LRP5: variants seen among roughly 807,000 people sequenced by gnomAD.
LRP5 encodes the protein low-density lipoprotein receptor-related protein 5.
LRP5 carries 62 observed loss-of-function variants against 154.1 expected under a neutral mutation model. That is an observed-to-expected ratio of 0.40 (90% CI 0.33 to 0.50). The LOEUF (loss-of-function observed/expected upper bound fraction) is 0.50. Among genes scored for constraint, LRP5 ranks in the 20% least tolerant of loss-of-function variants. The probability of loss-of-function intolerance (pLI) is 0.55; values close to 1 mark genes in which losing one functional copy is unlikely to be tolerated. For missense variants in LRP5, 1,915 were observed against 2,336.7 expected (o/e 0.82, Z 3.72); for synonymous variants, 966 against 1,011.5 (o/e 0.96, Z 0.85).
At chr11:68,385,272 G>T (rs2098642355) in intron 5 of LRP5, among the ~76,000 whole-genome samples, 1 of 152,140 alleles carries the variant, frequency 6.6e-6, no homozygotes, top group South Asian at 2.1e-4. Flanking sequence ...GTCCACCTGT[G>T]CCGTGGAGGG....
At chr11:68,414,037 CCTCA>C (rs1565092439) in intron 12 of LRP5, 25 bp downstream of exon 12, 2 of 1,591,494 alleles carry the variant, frequency 1.3e-6, no homozygotes, top group Admixed American at 1.7e-5. Context: ...GTCCCCCGCA[CCTCA>C]CTCCCTCGTT....
rs185284230 is a variant in LRP5 at position 68,395,669 on chromosome 11, C to T, written c.1584+5617C>T. ...TCTTTACCCTCTGTGGCCCTGGTGG[C>T]GCACTCTCTGGGAAGGTGCAGGTGG... On this transcript the variant is annotated intron_variant, in intron 7 of 22. Transcript: ENST00000294304. 6.0e-3 allele frequency among the ~76,000 whole-genome samples: 912 copies of T among 152,192 alleles called. 10 individuals carry two copies. The highest frequency in any genetic ancestry group is 6.2e-3 in the Non-Finnish European group (419 of 67,996).
intron 1 of LRP5, among the ~76,000 whole-genome samples, chr11:68,338,867 G>GTTTTTTTTTTTTTTT (rs11382677): frequency 6.5e-5 from 6 of 91,940 alleles, no homozygotes; most frequent in Non-Finnish European, 9.4e-5. Flanking sequence ...CTTTTGTTTA[G>GTTTTTTTTTTTTTTT]TTTTTTTTTT....
intron 1 of LRP5, among the ~76,000 whole-genome samples, chr11:68,336,771 C>T (rs1253384478): frequency 6.6e-6 from 1 of 152,184 alleles, no homozygotes; most frequent in Admixed American, 6.5e-5. Context: ...GCCCGGCCTG[C>T]ATTTACCTGT....
intron 17 of LRP5, among the ~76,000 whole-genome samples, chr11:68,431,114 C>T (rs1470732661): frequency 6.6e-6 from 1 of 152,186 alleles, no homozygotes; most frequent in African/African-American, 2.4e-5. Flanking sequence ...GCCCCCATGC[C>T]TCCAGGTGGC....
chr11:68,441,110 G>C (rs947832889), intron 21 of LRP5, among the ~76,000 whole-genome samples: 1 of 151,214 alleles, frequency 6.6e-6, no homozygotes, highest in Non-Finnish European at 1.5e-5. Flanking sequence ...ACAGGGTCTC[G>C]CTCTGTCACC....
chr11:68,404,963 C>T (rs1401821512), intron 8 of LRP5, among the ~76,000 whole-genome samples: 2 of 134,500 alleles, frequency 1.5e-5, no homozygotes, highest in Admixed American at 8.4e-5. Context: ...GGCGACAGAG[C>T]GAGACTCCGT....
intron 1 of LRP5, among the ~76,000 whole-genome samples, chr11:68,335,639 C>T (rs1470778626): frequency 6.6e-6 from 1 of 152,088 alleles, no homozygotes; most frequent in Non-Finnish European, 1.5e-5. Context: ...ATAACTCATA[C>T]CTGAATAAAG....
chr11:68,409,073 A>AT (rs1200045346), intron 9 of LRP5, among the ~76,000 whole-genome samples: 73 of 44,132 alleles, frequency 1.7e-3, no homozygotes, highest in African/African-American at 8.7e-3. Flanking sequence ...AAAAAAAAAA[A>AT]ATATATATAT....
intron 16 of LRP5, among the ~76,000 whole-genome samples, chr11:68,426,673 G>T (rs2098668969): frequency 1.3e-5 from 2 of 152,070 alleles, no homozygotes; most frequent in Admixed American, 6.6e-5. Flanking sequence ...TCTGCCTGCT[G>T]TGGCCTCCCA....
intron 5 of LRP5, among the ~76,000 whole-genome samples, chr11:68,385,872 G>A (rs1191176579): frequency 6.6e-6 from 1 of 152,126 alleles, no homozygotes; most frequent in African/African-American, 2.4e-5. Flanking sequence ...CCCCTGCAAG[G>A]TGGGCATGCT....
At chr11:68,434,357 CAT>C (rs2098673707) in intron 18 of LRP5, among the ~76,000 whole-genome samples, 1 of 88,186 alleles carries the variant, frequency 1.1e-5, no homozygotes, top group Non-Finnish European at 2.3e-5. Context: ...TTCTTTCATT[CAT>C]TCATTCATTC....
At chr11:68,305,521 C>T in the LRP5 span, among the ~76,000 whole-genome samples, 1 of 152,294 alleles carries the variant, frequency 6.6e-6, no homozygotes, top group African/African-American at 2.4e-5. Context: ...TGGCTCACTA[C>T]AACCTCCTCC....
chr11:68,443,973 T>C (rs1356062043), intron 21 of LRP5, among the ~76,000 whole-genome samples: 1 of 151,970 alleles, frequency 6.6e-6, no homozygotes, highest in East Asian at 1.9e-4. Flanking sequence ...CTCTCTTTCT[T>C]AACGTCCTCC....
intron 1 of LRP5, among the ~76,000 whole-genome samples, chr11:68,342,264 G>A (rs1252429779): frequency 2.0e-5 from 3 of 151,948 alleles, no homozygotes; most frequent in Admixed American, 6.5e-5. Flanking sequence ...CCCTCCCGTC[G>A]GGTTCTGCTC....
At chr11:68,334,886 A>C (rs2098604806) in intron 1 of LRP5, among the ~76,000 whole-genome samples, 1 of 152,090 alleles carries the variant, frequency 6.6e-6, no homozygotes, top group Admixed American at 6.6e-5. Context: ...ATAAAATAAA[A>C]TAAAAGTGTG....
intron 21 of LRP5, chr11:68,445,544 C>T: frequency 8.0e-7 from 1 of 1,257,092 alleles, no homozygotes; most frequent in Non-Finnish European, 1.1e-6. Flanking sequence ...TCGGGCATAA[C>T]TGACAGTTCT....
At chr11:68,334,576 G>A (rs1437054964) in intron 1 of LRP5, among the ~76,000 whole-genome samples, 1 of 152,160 alleles carries the variant, frequency 6.6e-6, no homozygotes, top group Non-Finnish European at 1.5e-5. Context: ...ATGCATGTGT[G>A]TATAAAAGTG....
intron 8 of LRP5, among the ~76,000 whole-genome samples, chr11:68,405,586 A>G (rs376302896): frequency 2.6e-5 from 4 of 152,032 alleles, no homozygotes; most frequent in Admixed American, 2.0e-4. Context: ...GGGTGCCTCC[A>G]TGGGGGTGTG....
Sources: gnomAD v4.1 joint callset for allele counts (sites outside exome capture counted in the v4.1 genomes callset) on GRCh38, gnomAD v4.1.1 for gene constraint, MANE v1.5 for transcripts, NCBI Gene and HGNC (gene_info 2026-07-23, HGNC 2026-07-21) for gene names.